Variants in PPP2R5A observed in about 807,000 individuals in gnomAD.
PPP2R5A encodes the protein protein phosphatase 2 regulatory subunit B'alpha, also known as serine/threonine-protein phosphatase 2A 56 kDa regulatory subunit alpha isoform.
Under a neutral mutation model 64.2 loss-of-function variants are expected in PPP2R5A, and 25 were observed. The ratio of observed to expected loss-of-function variants is 0.39; its 90% CI spans 0.28 to 0.54. The LOEUF (loss-of-function observed/expected upper bound fraction) is 0.54. PPP2R5A is among the 20% of genes least tolerant of loss of function. The probability of loss-of-function intolerance (pLI) is 0.67; values close to 1 mark genes in which losing one functional copy is unlikely to be tolerated. For missense variants in PPP2R5A, 425 were observed against 576.3 expected, an observed-to-expected ratio of 0.74 and a Z score of 2.69; for synonymous variants, 198 against 201.2, an observed-to-expected ratio of 0.98 and a Z score of 0.13.
chr1:212,360,863 A>G lies in PPP2R5A; in HGVS notation c.*93A>G. 1 of 1,279,738 alleles carries G rather than the reference A, an allele frequency of 7.8e-7. No homozygotes were observed. Among genetic ancestry groups the G allele is most frequent in the Non-Finnish European group, 1.0e-6 (1 of 978,362 alleles). The allele number at this position is 1,279,738 out of a possible 1,614,324, so 79.3% of individuals were successfully genotyped here. A position where few individuals can be genotyped will look rare whatever the true frequency, so the allele number is the denominator to read the frequency against. ...ACAAAACAAACCTCATCAGTATAAT[A>G]TAATTAAAAGGCCAATTTTTTCTGG... On this transcript the variant is annotated 3_prime_UTR_variant, in exon 13 of 13. Transcript: ENST00000261461.
At chr1:212,349,276 TGCATTAATA>T (rs1327686194) in intron 8 of PPP2R5A, 34 bp downstream of exon 8, 1 of 1,487,922 alleles carries the variant, frequency 6.7e-7, no homozygotes, top group Non-Finnish European at 9.2e-7. Context: ...GTTTTTGGTC[TGCATTAATA>T]GCATTTCATT....
chr1:212,338,121 T>G (rs539096377), intron 3 of PPP2R5A, among the ~76,000 whole-genome samples: 1 of 152,318 alleles, frequency 6.6e-6, no homozygotes, highest in Non-Finnish European at 1.5e-5. Context: ...GTCTTATTTT[T>G]CAGATACTTT....
intron 8 of PPP2R5A, among the ~76,000 whole-genome samples, chr1:212,350,516 TG>T (rs1294920575): frequency 6.6e-6 from 1 of 152,020 alleles, no homozygotes; most frequent in East Asian, 1.9e-4. Context: ...TAGCTGGGCA[TG>T]GTGGCACAGG....
chr1:212,351,377 T>A (rs906233901), intron 8 of PPP2R5A, among the ~76,000 whole-genome samples: 1 of 152,186 alleles, frequency 6.6e-6, no homozygotes, highest in African/African-American at 2.4e-5. Context: ...ACTAATTTTC[T>A]GGAAAGCAGG....
chr1:212,306,712 C>G (rs1658920414), intron 1 of PPP2R5A: 1 of 151,408 alleles, frequency 6.6e-6, no homozygotes, highest in Non-Finnish European at 1.5e-5. Context: ...CAATCTCTAC[C>G]TTTTGATGGG....
chr1:212,350,221 A>G (rs1165690893), intron 8 of PPP2R5A, among the ~76,000 whole-genome samples: 3 of 152,192 alleles, frequency 2.0e-5, no homozygotes, highest in African/African-American at 7.2e-5. Context: ...AACAAAAGAC[A>G]TTTTTCCACT....
chr1:212,350,422 G>A (rs2102445820), intron 8 of PPP2R5A, among the ~76,000 whole-genome samples: 1 of 152,274 alleles, frequency 6.6e-6, no homozygotes, highest in South Asian at 2.1e-4. Flanking sequence ...GGGAGGCTGA[G>A]GCAGGCAGAT....
chr1:212,360,740 C>T lies in PPP2R5A; in HGVS notation c.1431C>T (p.His477=). The change falls in exon 13 of 13, where the codon CAC becomes CAT. Residue 477 remains histidine, a synonymous_variant. Coordinates refer to ENST00000261461, the MANE Select transcript of PPP2R5A (RefSeq NM_006243.4). ...LEKQNSAYNM[H]SILSNTSAE The stretch of plus-strand genomic sequence containing the variant: ...AACAGAATAGTGCTTACAACATGCA[C>T]AGTATTCTCAGCAATACAAGTGCCG... 1 of 1,577,184 alleles carries T rather than the reference C, an allele frequency of 6.3e-7. No homozygotes were observed. The highest frequency in any genetic ancestry group is 8.6e-7 in the Non-Finnish European group (1 of 1,166,840).
At chr1:212,357,574 C>A (rs185668445) in intron 11 of PPP2R5A, 10 of 170,250 alleles carry the variant, frequency 5.9e-5, no homozygotes, top group Non-Finnish European at 8.7e-5. Context: ...GAGGCCGAGG[C>A]GGGCGGATCA....
At chr1:212,293,879 C>G (rs940670359) in intron 1 of PPP2R5A, among the ~76,000 whole-genome samples, 1 of 152,060 alleles carries the variant, frequency 6.6e-6, no homozygotes, top group African/African-American at 2.4e-5. Flanking sequence ...GGTTTAGCCT[C>G]TGTTGGGAAT....
rs1409172396 is a variant in PPP2R5A at position 212,361,471 on chromosome 1, A to AC, written c.*704dup. The AC allele has an allele frequency of 1.3e-5, 2 of 152,660 alleles. No homozygotes were observed. 9.5% of individuals were successfully genotyped at this position (152,660 alleles called of 1,614,324 possible). A position where few individuals can be genotyped will look rare whatever the true frequency, so the allele number is the denominator to read the frequency against. Reference sequence around the variant, plus strand: ...TGGGTAGAGGCAGCTCAGGTGAATTACCCAGCTTGCCTCTCAATTCATTCC... The same window carrying AC: ...TGGGTAGAGGCAGCTCAGGTGAATTACCCCAGCTTGCCTCTCAATTCATTCC... On this transcript the variant is annotated 3_prime_UTR_variant, in exon 13 of 13. Transcript: ENST00000261461.
At chr1:212,302,029 A>C in intron 1 of PPP2R5A, 2 of 1,521,320 alleles carry the variant, frequency 1.3e-6, no homozygotes, top group East Asian at 4.9e-5. Context: ...TTATCACCTC[A>C]GAAGTTTAGT....
At chr1:212,358,939 C>A in intron 12 of PPP2R5A, 152 bp downstream of exon 12, 1 of 510,838 alleles carries the variant, frequency 2.0e-6, no homozygotes, top group Non-Finnish European at 3.4e-6. Context: ...AGTCTCTTAA[C>A]ATATAAGTCA....
At chr1:212,309,354 C>T (rs1283166309) in intron 1 of PPP2R5A, 2 of 1,526,692 alleles carry the variant, frequency 1.3e-6, no homozygotes, top group Non-Finnish European at 1.8e-6. Context: ...TGGGCTGCCT[C>T]CGGAGTCGCA....
At chr1:212,307,807 T>C (rs911126302) in intron 1 of PPP2R5A, among the ~76,000 whole-genome samples, 2 of 152,330 alleles carry the variant, frequency 1.3e-5, no homozygotes, top group East Asian at 3.9e-4. Context: ...TTCGTTTTTA[T>C]TTATTTGGGA....
chr1:212,313,618 A>AT (rs1172732355), intron 1 of PPP2R5A: 3 of 151,164 alleles, frequency 2.0e-5, no homozygotes, highest in Non-Finnish European at 4.4e-5. Flanking sequence ...TCTAATTTTA[A>AT]TTTTTTTCAT....
At chr1:212,351,139 T>C (rs1571610822) in intron 8 of PPP2R5A, among the ~76,000 whole-genome samples, 1 of 150,662 alleles carries the variant, frequency 6.6e-6, no homozygotes, top group East Asian at 1.9e-4. Flanking sequence ...CCTTGACGAT[T>C]AGGGAGAGGG....
intron 2 of PPP2R5A, 54 bp downstream of exon 2, chr1:212,329,385 A>G: frequency 7.5e-7 from 1 of 1,332,076 alleles, no homozygotes; most frequent in Non-Finnish European, 1.0e-6. Context: ...GATCTGAGGT[A>G]TAATAATGAA....
chr1:212,309,652 T>G (rs897085764), intron 1 of PPP2R5A: 18 of 509,454 alleles, frequency 3.5e-5, no homozygotes, highest in African/African-American at 3.3e-4. Context: ...ACAACCTTCT[T>G]TTTTTCTGGC....
Sources: gnomAD v4.1 joint callset for allele counts (sites outside exome capture counted in the v4.1 genomes callset) on GRCh38, gnomAD v4.1.1 for gene constraint, MANE v1.5 for transcripts, NCBI Gene and HGNC (gene_info 2026-07-23, HGNC 2026-07-21) for gene names.